The following RMDN1 variants were observed in gnomAD, a reference collection of about 807,000 sequenced individuals.
The protein encoded by RMDN1 is regulator of microtubule dynamics 1, also known as regulator of microtubule dynamics protein 1.
Under a neutral mutation model 48.9 loss-of-function variants are expected in RMDN1, and 48 were observed. The observed-to-expected ratio is 0.98, with a 90% CI of 0.78 to 1.25. The LOEUF is 1.25. Among genes scored for constraint, RMDN1 ranks in the 50% most tolerant of loss-of-function variants. The pLI is 0.00. For synonymous variants in RMDN1, 148 were observed against 132.6 expected, an observed-to-expected ratio of 1.12 and a Z score of -0.80; for missense variants, 418 against 373.4, an observed-to-expected ratio of 1.12 and a Z score of -0.98.
chr8:86,488,414 TTAAACTC>T lies in RMDN1; in HGVS notation c.335+131_335+137del, dbSNP rs147377085. On this transcript the variant is annotated intron_variant, in intron 3 of 9. Coordinates refer to ENST00000406452, the MANE Select transcript of RMDN1 (RefSeq NM_016033.3). ...TAAGAAACAAATAGTATATTATAAATTAAACTCTAAGAAATATTTTGAAGTAAAAACT... is the reference window on the plus strand; with the variant it reads ...TAAGAAACAAATAGTATATTATAAATTAAGAAATATTTTGAAGTAAAAACT... 3.3e-3 allele frequency: 1,508 copies of T among 456,788 alleles called. 28 individuals are homozygous for T. In the East Asian group the frequency reaches 0.043, roughly 13 times the overall value. 28.3% of individuals were successfully genotyped at this position (456,788 alleles called of 1,614,324 possible).
chr8:86,491,237 C>A (rs918247431), intron 2 of RMDN1, among the ~76,000 whole-genome samples: 1 of 152,006 alleles, frequency 6.6e-6, no homozygotes, highest in African/African-American at 2.4e-5. Context: ...CAAGTTCAAG[C>A]GATTCTCCTG....
intron 2 of RMDN1, among the ~76,000 whole-genome samples, chr8:86,503,385 A>AAAAAAAAAAAAAAAAAAAAC (rs1554594088): frequency 3.7e-5 from 3 of 81,068 alleles, no homozygotes; most frequent in Non-Finnish European, 4.6e-5. Flanking sequence ...AAAAAAAAAA[A>AAAAAAAAAAAAAAAAAAAAC]AAAACAAAAA....
intron 2 of RMDN1, among the ~76,000 whole-genome samples, chr8:86,491,064 ATAACT>A (rs1159461193): frequency 6.6e-6 from 1 of 151,880 alleles, no homozygotes; most frequent in Non-Finnish European, 1.5e-5. Flanking sequence ...AATCTCTCAA[ATAACT>A]TAGCTCCAAA....
downstream of RMDN1, among the ~76,000 whole-genome samples, chr8:86,469,935 G>C (rs1359052962): frequency 6.6e-6 from 1 of 152,032 alleles, no homozygotes; most frequent in Non-Finnish European, 1.5e-5. Context: ...GAAATTGGTG[G>C]GGTTGTCTTT....
At chr8:86,510,926 C>A (rs1820020266), upstream of RMDN1, among the ~76,000 whole-genome samples, 1 of 152,068 alleles carries the variant, frequency 6.6e-6, no homozygotes, top group Admixed American at 6.6e-5. Flanking sequence ...ATGTTTGAGA[C>A]CAGCCTGGGC....
At chr8:86,501,118 C>CA (rs1285767524) in intron 2 of RMDN1, among the ~76,000 whole-genome samples, 1 of 152,014 alleles carries the variant, frequency 6.6e-6, no homozygotes, top group Non-Finnish European at 1.5e-5. Flanking sequence ...ACCTGGGTGA[C>CA]AAAATCACTT....
At chr8:86,511,672 C>T (rs192896207), upstream of RMDN1, among the ~76,000 whole-genome samples, 5 of 151,584 alleles carry the variant, frequency 3.3e-5, no homozygotes, top group East Asian at 1.9e-4. Context: ...TAGCCAGACA[C>T]GGTGGCTCGT....
chr8:86,477,297 G>T lies in RMDN1; in HGVS notation c.757C>A (p.Gln253Lys). The change falls in exon 8 of 10, where the codon CAA becomes AAA. Residue 253 changes from glutamine (Q) to lysine (K), a missense_variant. Physicochemically the swap from Gln to Lys is moderately conservative, Grantham distance 53. Transcript: ENST00000406452. ...TGTGTAATCAAAAATACCTTACCTT[G>T]TTCTGCCCTGTGAAAGTAGCCTAAG... ...KALGYFHRAE[Q>K]VDPNFYSKNL... The T allele has an allele frequency of 6.2e-7, 1 of 1,600,778 alleles. No individual in the cohort carries two copies. Among genetic ancestry groups the T allele is most frequent in the Non-Finnish European group, 8.5e-7 (1 of 1,173,002 alleles).
chr8:86,501,441 G>C (rs1818199426), intron 2 of RMDN1, among the ~76,000 whole-genome samples: 1 of 152,152 alleles, frequency 6.6e-6, no homozygotes, highest in Non-Finnish European at 1.5e-5. Context: ...GGGAGGCTGA[G>C]GCAGGTGGAT....
chr8:86,505,774 T>C (rs1233405890), intron 2 of RMDN1, among the ~76,000 whole-genome samples: 1 of 152,144 alleles, frequency 6.6e-6, no homozygotes, highest in Non-Finnish European at 1.5e-5. Context: ...ATATGAAGAA[T>C]TTAGGGAGAA....
chr8:86,508,646 G>A lies in RMDN1; in HGVS notation c.-26C>T. ...GACCTGCAACTTGCGGGCTGACCCT[G>A]CACTACTTCAGGCAGCTACGGAGGC... On this transcript the variant is annotated 5_prime_UTR_variant, in exon 1 of 10. Coordinates refer to ENST00000406452, the MANE Select transcript of RMDN1 (RefSeq NM_016033.3). 13 of 1,583,076 alleles carry A rather than the reference G, an allele frequency of 8.2e-6. No homozygotes were observed. The highest frequency in any genetic ancestry group is 1.7e-5 in the Admixed American group (1 of 57,718).
chr8:86,511,563 A>G (rs1820046326), upstream of RMDN1, among the ~76,000 whole-genome samples: 1 of 152,168 alleles, frequency 6.6e-6, no homozygotes, highest in South Asian at 2.1e-4. Flanking sequence ...TAATCCCAGC[A>G]CTTTGAGAGG....
intron 2 of RMDN1, chr8:86,504,826 G>C (rs1413796218): frequency 3.8e-6 from 4 of 1,044,932 alleles, no homozygotes; most frequent in Non-Finnish European, 3.0e-6. Flanking sequence ...TTCTTAGTCG[G>C]ACTGCTCTTC....
At chr8:86,505,322 C>T (rs1438536820) in intron 2 of RMDN1, 1 of 463,864 alleles carries the variant, frequency 2.2e-6, no homozygotes, top group East Asian at 6.9e-5. Context: ...AGGCAATGGC[C>T]ACTTGGCATA....
intron 2 of RMDN1, chr8:86,494,753 G>C (rs1456054788): frequency 8.2e-6 from 2 of 243,854 alleles, no homozygotes; most frequent in African/African-American, 2.3e-5. Flanking sequence ...CTTTGGGGTG[G>C]GCGGATCACT....
downstream of RMDN1, chr8:86,468,454 T>C: frequency 2.3e-6 from 1 of 436,180 alleles, no homozygotes; most frequent in Non-Finnish European, 4.5e-6. Context: ...TTCTAATGTA[T>C]GTGACAGGTT....
intron 6 of RMDN1, among the ~76,000 whole-genome samples, chr8:86,479,744 C>G (rs1280493916): frequency 6.6e-6 from 1 of 151,672 alleles, no homozygotes; most frequent in Non-Finnish European, 1.5e-5. Context: ...AGTAAATATT[C>G]AGCTCTGCAG....
chr8:86,506,929 A>G (rs1160262387), intron 2 of RMDN1, 66 bp downstream of exon 2: 4 of 801,066 alleles, frequency 5.0e-6, no homozygotes, highest in African/African-American at 3.4e-5. Flanking sequence ...TTGTTTTAAA[A>G]TAAAAATTCT....
At chr8:86,501,795 C>T (rs1274963033) in intron 2 of RMDN1, among the ~76,000 whole-genome samples, 2 of 151,878 alleles carry the variant, frequency 1.3e-5, no homozygotes, top group South Asian at 4.2e-4. Flanking sequence ...TTTTATAAGG[C>T]TGCTGTGAGA....
Sources: gnomAD v4.1 joint callset for allele counts (sites outside exome capture counted in the v4.1 genomes callset) on GRCh38, gnomAD v4.1.1 for gene constraint, MANE v1.5 for transcripts, NCBI Gene and HGNC (gene_info 2026-07-23, HGNC 2026-07-21) for gene names.